PAPPA2: variants seen among roughly 807,000 people sequenced by gnomAD.
The protein encoded by PAPPA2 is pappalysin-2.
Under a neutral mutation model 176.4 loss-of-function variants are expected in PAPPA2, and 86 were observed. That is an observed-to-expected ratio of 0.49 (90% CI 0.41 to 0.58). The LOEUF (loss-of-function observed/expected upper bound fraction) is 0.58. PAPPA2 is among the 20% of genes least tolerant of loss of function. PAPPA2 has a pLI of 0.00. For missense variants in PAPPA2, 2,073 were observed against 2,256.9 expected (o/e 0.92, Z 1.65); for synonymous variants, 809 against 852.2 (o/e 0.95, Z 0.88).
At chr1:176,466,079 T>C (rs1651605743) in intron 1 of PAPPA2, among the ~76,000 whole-genome samples, 1 of 152,204 alleles carries the variant, frequency 6.6e-6, no homozygotes, top group Non-Finnish European at 1.5e-5. Flanking sequence ...AGATAATACA[T>C]GCGTGTTTAA....
At chr1:176,610,174 G>A (rs1654830437) in intron 3 of PAPPA2, among the ~76,000 whole-genome samples, 1 of 151,854 alleles carries the variant, frequency 6.6e-6, no homozygotes, top group South Asian at 2.1e-4. Flanking sequence ...CTGCTTTCAG[G>A]AAGATTTATT....
rs556750510 is a variant in PAPPA2, at chr1:176,681,096, G to A, written c.2138-9041G>A. Among the ~76,000 whole-genome samples the A allele has an allele frequency of 2.0e-5, 3 of 151,866 alleles. No individual in the cohort carries two copies. The South Asian group carries it at 6.3e-4, about 32-fold the overall frequency. On this transcript the variant is annotated intron_variant, in intron 4 of 22. Transcript: ENST00000367662. ...TTCCATGGAAGAGGGAGGGGGAATA[G>A]GTATCAGGGGGTGTATTGGAAACCA...
intron 3 of PAPPA2, among the ~76,000 whole-genome samples, chr1:176,610,243 T>C (rs750115834): frequency 6.6e-6 from 1 of 152,026 alleles, no homozygotes; most frequent in Non-Finnish European, 1.5e-5. Flanking sequence ...CTATGTCTCC[T>C]ATTCCATAGC....
At position 176,668,500 on chromosome 1, in the gene PAPPA2, A is replaced by G. The variant is rs995854398; in HGVS notation, c.1992-2470A>G. 2.0e-5 allele frequency among the ~76,000 whole-genome samples: 3 copies of G among 152,200 alleles called. No individual in the cohort carries two copies. The South Asian group carries it at 6.2e-4, about 32-fold the overall frequency. On this transcript the variant is annotated intron_variant, in intron 3 of 22. Coordinates refer to ENST00000367662, the MANE Select transcript of PAPPA2 (RefSeq NM_020318.3). ...GCTAAGCTCTAAATTTGAAAATAAT[A>G]TCCATTTTTTTTCCTCATCCTAAGC...
At chr1:176,512,867 G>T (rs1387393360) in intron 1 of PAPPA2, among the ~76,000 whole-genome samples, 1 of 152,068 alleles carries the variant, frequency 6.6e-6, no homozygotes, top group Non-Finnish European at 1.5e-5. Flanking sequence ...AATGTAAGAG[G>T]TGCAACAACA....
chr1:176,543,559 A>G (rs1013397006), intron 1 of PAPPA2, among the ~76,000 whole-genome samples: 1 of 151,694 alleles, frequency 6.6e-6, no homozygotes, highest in African/African-American at 2.4e-5. Flanking sequence ...CTTCTTATTC[A>G]ATTTTGACTT....
At chr1:176,793,288 C>A (rs1665265598) in intron 19 of PAPPA2, among the ~76,000 whole-genome samples, 1 of 152,114 alleles carries the variant, frequency 6.6e-6, no homozygotes, top group Admixed American at 6.5e-5. Context: ...GAAATTCAGG[C>A]ATTCCAGAGG....
At chr1:176,570,469 G>A (rs1213748995) in intron 2 of PAPPA2, among the ~76,000 whole-genome samples, 2 of 152,154 alleles carry the variant, frequency 1.3e-5, no homozygotes, top group African/African-American at 4.8e-5. Context: ...CAGAATAATA[G>A]TAAACACTAA....
chr1:176,528,233 G>A (rs1385859278), intron 1 of PAPPA2, among the ~76,000 whole-genome samples: 1 of 152,184 alleles, frequency 6.6e-6, no homozygotes, highest in Non-Finnish European at 1.5e-5. Context: ...CTGAAGAGCA[G>A]AAGCCCTTCC....
intron 6 of PAPPA2, among the ~76,000 whole-genome samples, chr1:176,692,550 C>T (rs989208059): frequency 1.3e-5 from 2 of 152,204 alleles, no homozygotes; most frequent in African/African-American, 4.8e-5. Context: ...TCAGGGAGGC[C>T]TGGAGAGCCT....
chr1:176,554,850 A>G (rs1388504003), intron 1 of PAPPA2, among the ~76,000 whole-genome samples: 1 of 152,174 alleles, frequency 6.6e-6, no homozygotes, highest in Non-Finnish European at 1.5e-5. Flanking sequence ...TAAATCCCCA[A>G]TGATTGAACA....
intron 1 of PAPPA2, among the ~76,000 whole-genome samples, chr1:176,546,611 C>T (rs1650649715): frequency 6.6e-6 from 1 of 152,138 alleles, no homozygotes; most frequent in Non-Finnish European, 1.5e-5. Flanking sequence ...AAATTGGACT[C>T]AGTAGCAATA....
At chr1:176,837,197 G>A (rs1430600029) in intron 21 of PAPPA2, among the ~76,000 whole-genome samples, 3 of 152,206 alleles carry the variant, frequency 2.0e-5, no homozygotes, top group African/African-American at 7.2e-5. Flanking sequence ...TAGAAAAGCC[G>A]TGGCAAGAAA....
rs150330112 is a variant in PAPPA2 at position 176,690,682 on chromosome 1, C to T, written c.2431+252C>T. 235 of 1,274,306 alleles carry T rather than the reference C, an allele frequency of 1.8e-4. 1 individual carries two copies. The African/African-American group carries it at 2.6e-3, about 14-fold the overall frequency. The allele number at this position is 1,274,306 out of a possible 1,614,324, so 78.9% of individuals were successfully genotyped here. A position where few individuals can be genotyped will look rare whatever the true frequency, so the allele number is the denominator to read the frequency against. The stretch of plus-strand genomic sequence containing the variant: ...ATATTTTAAAATATACTTCTATCCT[C>T]GATAGTAAAAAAGGCACAGAGCCAA... On this transcript the variant is annotated intron_variant, in intron 5 of 22. Transcript: ENST00000367662.
chr1:176,780,323 AG>A (rs34423302), intron 17 of PAPPA2, among the ~76,000 whole-genome samples: 61,810 of 151,966 alleles, frequency 0.41, 14,001 homozygotes, highest in African/African-American at 0.6. Flanking sequence ...AAATGAGATC[AG>A]CCTGCCCCCT....
chr1:176,604,726 G>A (rs1654519366), intron 3 of PAPPA2, among the ~76,000 whole-genome samples: 1 of 152,102 alleles, frequency 6.6e-6, no homozygotes, highest in Non-Finnish European at 1.5e-5. Flanking sequence ...TCTGTCTCTT[G>A]CACAAGACTT....
At chr1:176,838,671 G>C (rs956877792) in intron 21 of PAPPA2, among the ~76,000 whole-genome samples, 1 of 152,214 alleles carries the variant, frequency 6.6e-6, no homozygotes, top group Non-Finnish European at 1.5e-5. Flanking sequence ...AAGTTCTCTA[G>C]AGCCAGAATA....
Position 176,672,575 on chromosome 1 carries a change from C to CA in PAPPA2, c.2137+1471dup, listed in dbSNP as rs879672713. Among the ~76,000 whole-genome samples the CA allele has an allele frequency of 7.7e-4, 105 of 136,248 alleles. 1 individual carries two copies. The highest frequency in any genetic ancestry group is 1.9e-3 in the South Asian group (8 of 4,282). 89.4% of individuals were successfully genotyped at this position (136,248 alleles called of 152,430 possible). ...GATGAGCAATGTGTTAGCGATAGACCAAAAAAAAAAAGAAAAGATTGCTGT... is the reference window on the plus strand; with the variant it reads ...GATGAGCAATGTGTTAGCGATAGACCAAAAAAAAAAAAGAAAAGATTGCTGT... On this transcript the variant is annotated intron_variant, in intron 4 of 22. Transcript: ENST00000367662.
chr1:176,503,477 G>A (rs900032642), intron 1 of PAPPA2, among the ~76,000 whole-genome samples: 1 of 152,128 alleles, frequency 6.6e-6, no homozygotes, highest in Non-Finnish European at 1.5e-5. Flanking sequence ...TTAGGAAGTA[G>A]ACATCTTTGG....
Sources: gnomAD v4.1 joint callset for allele counts (sites outside exome capture counted in the v4.1 genomes callset) on GRCh38, gnomAD v4.1.1 for gene constraint, MANE v1.5 for transcripts, NCBI Gene and HGNC (gene_info 2026-07-23, HGNC 2026-07-21) for gene names.